The following AFG2A variants were observed in gnomAD, a reference collection of about 807,000 sequenced individuals.
AFG2A encodes the protein AAA ATPase AFG2A, also known as ATPase family gene 2 protein homolog A.
the AFG2A span, among the ~76,000 whole-genome samples, chr4:123,075,152 G>A: frequency 1.3e-5 from 2 of 151,680 alleles, no homozygotes; most frequent in African/African-American, 4.8e-5. Flanking sequence ...CACCATGTTG[G>A]CCAGGCTGGT....
At chr4:123,252,820 G>A in the AFG2A span, among the ~76,000 whole-genome samples, 4 of 152,066 alleles carry the variant, frequency 2.6e-5, no homozygotes, top group Non-Finnish European at 5.9e-5. Context: ...CCACTAGTCT[G>A]CTTTTTGCTA....
chr4:123,126,689 G>T, the AFG2A span, among the ~76,000 whole-genome samples: 12 of 152,040 alleles, frequency 7.9e-5, no homozygotes, highest in Non-Finnish European at 1.8e-4. Context: ...TCTCCTTCCT[G>T]CCACCATGTG....
At chr4:123,057,287 AGG>A in the AFG2A span, 2 of 1,613,336 alleles carry the variant, frequency 1.2e-6, no homozygotes, top group Non-Finnish European at 1.7e-6. Flanking sequence ...TGAAAGGGGC[AGG>A]TAAGAAGTAT....
chr4:123,169,068 C>G, the AFG2A span, among the ~76,000 whole-genome samples: 16 of 152,120 alleles, frequency 1.1e-4, no homozygotes, highest in African/African-American at 3.9e-4. Flanking sequence ...TTATAACATT[C>G]TCAGAGGGTT....
the AFG2A span, among the ~76,000 whole-genome samples, chr4:123,221,474 T>C: frequency 6.6e-6 from 1 of 152,188 alleles, no homozygotes; most frequent in African/African-American, 2.4e-5. Flanking sequence ...GAGATGTCTT[T>C]TATACACCAG....
At chr4:123,189,833 T>TG in the AFG2A span, among the ~76,000 whole-genome samples, 3 of 146,386 alleles carry the variant, frequency 2.0e-5, no homozygotes, top group Non-Finnish European at 4.5e-5. Flanking sequence ...TTTTTTTTTT[T>TG]GGAGACAGGG....
At chr4:123,169,874 CAG>C in the AFG2A span, among the ~76,000 whole-genome samples, 2 of 152,034 alleles carry the variant, frequency 1.3e-5, no homozygotes, top group African/African-American at 2.4e-5. Context: ...ATAAACGTAA[CAG>C]AGAGTATGGT....
the AFG2A span, among the ~76,000 whole-genome samples, chr4:122,956,334 T>C: frequency 2.6e-5 from 4 of 152,196 alleles, no homozygotes; most frequent in Non-Finnish European, 5.9e-5. Flanking sequence ...AACCCTGTGA[T>C]AGAAGTATCA....
the AFG2A span, among the ~76,000 whole-genome samples, chr4:123,007,548 GTA>G: frequency 3.5e-4 from 31 of 88,650 alleles, 2 homozygotes; most frequent in South Asian, 0.012. Context: ...ATATGTGTAT[GTA>G]TGTGTGTGTG....
chr4:123,104,542 G>T, the AFG2A span, among the ~76,000 whole-genome samples: 1 of 152,172 alleles, frequency 6.6e-6, no homozygotes, highest in Non-Finnish European at 1.5e-5. Context: ...AGAATGGCAT[G>T]TCAAAAGCTG....
chr4:123,009,474 A>G, the AFG2A span, among the ~76,000 whole-genome samples: 1 of 152,190 alleles, frequency 6.6e-6, no homozygotes, highest in Admixed American at 6.5e-5. Flanking sequence ...TTGTTTTTAT[A>G]TGCACCAGTA....
the AFG2A span, among the ~76,000 whole-genome samples, chr4:123,298,211 TTC>T: frequency 1.4e-4 from 21 of 152,244 alleles, no homozygotes; most frequent in South Asian, 1.2e-3. Flanking sequence ...ATCAGAGACT[TTC>T]TGTAGGGTTT....
the AFG2A span, among the ~76,000 whole-genome samples, chr4:123,037,961 T>C: frequency 6.6e-6 from 1 of 152,094 alleles, no homozygotes; most frequent in Non-Finnish European, 1.5e-5. Context: ...TTTGGCATAT[T>C]ACTCAGCCTC....
chr4:122,954,058 T>G, the AFG2A span, among the ~76,000 whole-genome samples: 29 of 152,274 alleles, frequency 1.9e-4, no homozygotes, highest in Middle Eastern at 3.4e-3. Flanking sequence ...CTGCAATTCC[T>G]CCATAGTCTG....
the AFG2A span, among the ~76,000 whole-genome samples, chr4:123,017,214 AGGGAGAGGG>A: frequency 1.2e-4 from 11 of 93,940 alleles, no homozygotes; most frequent in South Asian, 1.4e-3. Flanking sequence ...GGAGAGAGAG[AGGGAGAGGG>A]GGGAGAGGGA....
chr4:122,937,727 G>C, the AFG2A span, among the ~76,000 whole-genome samples: 9 of 152,118 alleles, frequency 5.9e-5, no homozygotes, highest in Non-Finnish European at 1.3e-4. Context: ...TATTTTAATG[G>C]TTTAAAAATA....
chr4:122,928,212 T>C, the AFG2A span, among the ~76,000 whole-genome samples: 1 of 152,162 alleles, frequency 6.6e-6, no homozygotes, highest in African/African-American at 2.4e-5. Context: ...TATAAAAATA[T>C]TATTTTGGGG....
chr4:123,311,157 A>T, the AFG2A span, among the ~76,000 whole-genome samples: 1 of 152,194 alleles, frequency 6.6e-6, no homozygotes, highest in African/African-American at 2.4e-5. Flanking sequence ...GAGACAGGGG[A>T]GTACTAAATA....
chr4:123,168,559 C>T, the AFG2A span, among the ~76,000 whole-genome samples: 2 of 151,998 alleles, frequency 1.3e-5, no homozygotes, highest in Non-Finnish European at 2.9e-5. Flanking sequence ...TCATTTCCCC[C>T]TTTTTTCTTT....
Sources: allele counts gnomAD v4.1 joint callset (sites outside exome capture counted in the v4.1 genomes callset), GRCh38; gene constraint gnomAD v4.1.1; transcripts MANE v1.5; gene names NCBI Gene and HGNC (gene_info 2026-07-23, HGNC 2026-07-21).